PRKN: variants seen among roughly 807,000 people sequenced by gnomAD.
PRKN encodes the protein E3 ubiquitin-protein ligase parkin.
A neutral mutation model predicts 59.5 loss-of-function variants in PRKN; 56 were observed. The observed-to-expected ratio is 0.94, with a 90% CI of 0.76 to 1.18. The LOEUF is 1.18. Among genes scored for constraint, PRKN ranks in the 50% most tolerant of loss-of-function variants. The pLI is 0.00. For missense variants in PRKN, 657 were observed against 596.4 expected, an observed-to-expected ratio of 1.10 and a Z score of -1.06; for synonymous variants, 250 against 222.1, an observed-to-expected ratio of 1.13 and a Z score of -1.12.
intron 4 of PRKN, among the ~76,000 whole-genome samples, chr6:162,121,083 T>C (rs371449247): frequency 1.2e-4 from 18 of 152,322 alleles, no homozygotes; most frequent in African/African-American, 4.3e-4. Flanking sequence ...AAAAGCCATT[T>C]GCTTTTGCTT....
At chr6:161,774,107 C>A (rs1789808865) in intron 7 of PRKN, among the ~76,000 whole-genome samples, 2 of 152,132 alleles carry the variant, frequency 1.3e-5, no homozygotes, top group South Asian at 4.1e-4. Context: ...GTTGATCCAG[C>A]TAGAATGAGC....
intron 1 of PRKN, among the ~76,000 whole-genome samples, chr6:162,452,838 TA>T (rs1790689319): frequency 6.6e-6 from 1 of 152,118 alleles, no homozygotes; most frequent in Admixed American, 6.6e-5. Flanking sequence ...ATACTCTGTC[TA>T]CAGGGCTGCA....
intron 4 of PRKN, among the ~76,000 whole-genome samples, chr6:162,069,678 A>G (rs1778492385): frequency 6.6e-6 from 1 of 152,228 alleles, no homozygotes; most frequent in Non-Finnish European, 1.5e-5. Context: ...AGAAGTTTAC[A>G]GAAGTTAATT....
At chr6:162,020,830 C>T (rs1283570205) in intron 5 of PRKN, among the ~76,000 whole-genome samples, 4 of 151,840 alleles carry the variant, frequency 2.6e-5, no homozygotes, top group Admixed American at 6.6e-5. Flanking sequence ...ATGGGCCCGG[C>T]GCGGTGGCTC....
intron 3 of PRKN, among the ~76,000 whole-genome samples, chr6:162,257,077 C>T (rs759432592): frequency 5.9e-5 from 9 of 152,196 alleles, no homozygotes; most frequent in East Asian, 1.9e-4. Context: ...TGTGCTGCCC[C>T]GGCATGGTAT....
At chr6:162,705,955 T>C (rs1221442167) in intron 1 of PRKN, among the ~76,000 whole-genome samples, 1 of 152,044 alleles carries the variant, frequency 6.6e-6, no homozygotes, top group Non-Finnish European at 1.5e-5. Context: ...AGGTAGAGAA[T>C]AGGGCAGCAG....
At chr6:162,598,853 CAAAA>C (rs35219327) in intron 1 of PRKN, among the ~76,000 whole-genome samples, 3 of 106,880 alleles carry the variant, frequency 2.8e-5, no homozygotes, top group African/African-American at 3.4e-5. Flanking sequence ...ATTCTGTCAC[CAAAA>C]AAAAAAAAAA....
chr6:161,719,462 A>G (rs544956422), intron 7 of PRKN, among the ~76,000 whole-genome samples: 8 of 152,300 alleles, frequency 5.3e-5, no homozygotes, highest in African/African-American at 1.9e-4. Flanking sequence ...ACACCTTTGT[A>G]CCACAAAAGC....
chr6:161,455,200 G>A lies in PRKN; in HGVS notation c.1084-68323C>T, dbSNP rs1334459976. 5.3e-5 allele frequency among the ~76,000 whole-genome samples: 8 copies of A among 151,904 alleles called. No homozygotes were observed. In the East Asian group the frequency reaches 5.8e-4, roughly 11 times the overall value. ...ATTACAGGCGCCTGCCACCATGCCC[G>A]ACTAATTTTTGTATTTTTAGTAGAG... is the stretch of plus-strand genomic sequence containing the variant. On this transcript the variant is annotated intron_variant, in intron 9 of 11. Coordinates refer to ENST00000366898, the MANE Select transcript of PRKN (RefSeq NM_004562.3).
chr6:162,471,259 G>A (rs937023957), intron 1 of PRKN, among the ~76,000 whole-genome samples: 4 of 151,078 alleles, frequency 2.6e-5, no homozygotes, highest in Admixed American at 6.6e-5. Context: ...CACCGCTCCC[G>A]GCTAATTTTT....
intron 6 of PRKN, among the ~76,000 whole-genome samples, chr6:161,807,215 G>A (rs1167553756): frequency 2.6e-5 from 4 of 152,140 alleles, no homozygotes; most frequent in African/African-American, 9.7e-5. Context: ...TTTCAGTAAA[G>A]AGAGGTGGAG....
intron 1 of PRKN, among the ~76,000 whole-genome samples, chr6:162,543,140 G>A (rs1447173119): frequency 2.0e-5 from 3 of 152,042 alleles, no homozygotes; most frequent in South Asian, 2.1e-4. Context: ...CACAATTTCC[G>A]AACAACACAG....
chr6:162,517,390 G>A (rs1777909011), intron 1 of PRKN, among the ~76,000 whole-genome samples: 1 of 151,498 alleles, frequency 6.6e-6, no homozygotes, highest in Non-Finnish European at 1.5e-5. Flanking sequence ...TGGGACTACA[G>A]GCACCCGCCA....
In PRKN at chr6:161,525,710, A is replaced by T. The variant is rs189088180; in HGVS notation, c.1083+23144T>A. On this transcript the variant is annotated intron_variant, in intron 9 of 11. Transcript: ENST00000366898. The surrounding 1 kb of genome is among the most constrained non-coding windows in gnomAD (Gnocchi z 4.7). ...GGATCTTTGAAGGCTATACTATTTT[A>T]AAAAATTATTCTATTCAGCGCATTG... Among the ~76,000 whole-genome samples, 259 of 152,274 alleles carry T rather than the reference A, an allele frequency of 1.7e-3. 2 individuals carry two copies. The highest frequency in any genetic ancestry group is 6.0e-3 in the African/African-American group (250 of 41,562).
At chr6:162,648,148 G>A (rs1195148793) in intron 1 of PRKN, among the ~76,000 whole-genome samples, 1 of 151,966 alleles carries the variant, frequency 6.6e-6, no homozygotes, top group East Asian at 1.9e-4. Context: ...TAACTCTACT[G>A]TATTAAATAT....
rs556352861 is a variant in PRKN at position 162,112,783 on chromosome 6, A to T, written c.535-58609T>A. The stretch of plus-strand genomic sequence containing the variant: ...GTGAGACCCCCATCTTTACAAAATT[A>T]AAAAAAAAAAAGCTGAGTATCGTGG... On this transcript the variant is annotated intron_variant, in intron 4 of 11. Transcript: ENST00000366898. 1.4e-3 allele frequency among the ~76,000 whole-genome samples: 201 copies of T among 139,462 alleles called. 1 individual carries two copies. Among genetic ancestry groups the T allele is most frequent in the East Asian group, 9.8e-3 (49 of 4,988 alleles). 91.5% of individuals were successfully genotyped at this position (139,462 alleles called of 152,430 possible).
At chr6:162,316,483 A>G (rs1201560228) in intron 2 of PRKN, among the ~76,000 whole-genome samples, 1 of 152,184 alleles carries the variant, frequency 6.6e-6, no homozygotes, top group Non-Finnish European at 1.5e-5. Context: ...AGAGAAAACC[A>G]TAATTTATGA....
chr6:162,271,554 A>C, intron 2 of PRKN: 1 of 152,190 alleles, frequency 6.6e-6, no homozygotes, highest in Non-Finnish European at 1.5e-5. Flanking sequence ...AAAAAAAAAA[A>C]AAAGGTGTTA....
chr6:161,969,240 T>C (rs1397945480), intron 6 of PRKN, among the ~76,000 whole-genome samples: 1 of 151,030 alleles, frequency 6.6e-6, no homozygotes, highest in Non-Finnish European at 1.5e-5. Context: ...ATGATGTCTG[T>C]AAAATAATAT....
Sources: allele counts gnomAD v4.1 joint callset (sites outside exome capture counted in the v4.1 genomes callset), GRCh38; gene constraint gnomAD v4.1.1; non-coding constraint Gnocchi (gnomAD v3.1); transcripts MANE v1.5; gene names NCBI Gene and HGNC (gene_info 2026-07-23, HGNC 2026-07-21).